Variants in SOX6 observed in about 807,000 individuals in gnomAD.
The protein encoded by SOX6 is transcription factor SOX-6.
Under a neutral mutation model 97.8 loss-of-function variants are expected in SOX6, and 11 were observed. The observed-to-expected ratio is 0.11, with a 90% CI of 0.07 to 0.19. The LOEUF is 0.19. SOX6 is among the 10% of genes least tolerant of loss of function. The pLI is 1.00. For synonymous variants in SOX6, 360 were observed against 371.4 expected, an observed-to-expected ratio of 0.97 and a Z score of 0.35; for missense variants, 810 against 1,039.5, an observed-to-expected ratio of 0.78 and a Z score of 3.04.
At chr11:16,594,336 A>G (rs72632979) in intron 4 of SOX6, among the ~76,000 whole-genome samples, 19,188 of 152,216 alleles carry the variant, frequency 0.13, 1,678 homozygotes, top group Middle Eastern at 0.32. Context: ...CTATACAAAA[A>G]CTACAAATGG....
chr11:16,342,837 C>T (rs1176005385), intron 1 of SOX6, among the ~76,000 whole-genome samples: 1 of 151,608 alleles, frequency 6.6e-6, no homozygotes, highest in South Asian at 2.1e-4. Flanking sequence ...TTTTGAAGTG[C>T]TTTGAAACAT....
intron 3 of SOX6, among the ~76,000 whole-genome samples, chr11:16,262,643 A>G (rs996953): frequency 0.98 from 148,709 of 152,112 alleles, 72,764 homozygotes; most frequent in Middle Eastern, 1. Flanking sequence ...CATTTGCCAG[A>G]TAACATAGTG....
At chr11:16,412,370 T>G (rs1858837953) in intron 1 of SOX6, among the ~76,000 whole-genome samples, 1 of 152,246 alleles carries the variant, frequency 6.6e-6, no homozygotes, top group Non-Finnish European at 1.5e-5. Context: ...TATCCATATA[T>G]GCATCCACCA....
intron 12 of SOX6, among the ~76,000 whole-genome samples, chr11:16,023,845 T>G (rs1221295288): frequency 6.6e-6 from 1 of 152,174 alleles, no homozygotes; most frequent in Non-Finnish European, 1.5e-5. Context: ...GGTAAAGCCA[T>G]GCAAACAAAG....
upstream of SOX6, among the ~76,000 whole-genome samples, chr11:16,476,678 T>C (rs1023455405): frequency 6.6e-6 from 1 of 152,176 alleles, no homozygotes; most frequent in African/African-American, 2.4e-5. Flanking sequence ...AAAAAATTTT[T>C]AAGAGAAAGA....
chr11:16,523,641 A>G (rs529199317), intron 4 of SOX6, among the ~76,000 whole-genome samples: 1 of 152,284 alleles, frequency 6.6e-6, no homozygotes, highest in African/African-American at 2.4e-5. Context: ...TCAGAGCAAA[A>G]CTGAAGGAAA....
intron 1 of SOX6, among the ~76,000 whole-genome samples, chr11:16,397,883 T>G (rs1428648212): frequency 6.6e-6 from 1 of 151,584 alleles, no homozygotes; most frequent in African/African-American, 2.4e-5. Context: ...CCATGTTTAT[T>G]GCTTTCTTAT....
chr11:16,311,623 A>G (rs996865623), intron 3 of SOX6: 4 of 152,158 alleles, frequency 2.6e-5, no homozygotes, highest in African/African-American at 9.7e-5. Context: ...ATCAAGTAAC[A>G]TGCTCTATGT....
intron 4 of SOX6, among the ~76,000 whole-genome samples, chr11:16,508,592 T>C (rs775569479): frequency 6.6e-6 from 1 of 151,484 alleles, no homozygotes; most frequent in African/African-American, 2.4e-5. Flanking sequence ...GAAAGAAAAA[T>C]ACTGCATGTT....
intron 1 of SOX6, among the ~76,000 whole-genome samples, chr11:16,347,583 T>C (rs1467808606): frequency 6.6e-6 from 1 of 152,106 alleles, no homozygotes; most frequent in Non-Finnish European, 1.5e-5. Context: ...CCTCTTCATA[T>C]AAAATGAGAA....
intron 3 of SOX6, among the ~76,000 whole-genome samples, chr11:16,615,771 T>C (rs1848464426): frequency 6.6e-6 from 1 of 152,206 alleles, no homozygotes; most frequent in Non-Finnish European, 1.5e-5. Flanking sequence ...CTTTATTGCT[T>C]AAGGCGGCCA....
At chr11:16,416,620 C>T (rs1039626981) in intron 1 of SOX6, among the ~76,000 whole-genome samples, 16 of 152,300 alleles carry the variant, frequency 1.1e-4, no homozygotes, top group Middle Eastern at 3.4e-3. Context: ...TAAGCATCCA[C>T]GACACTAAAT....
At chr11:16,470,774 C>T (rs1860128331) in intron 1 of SOX6, among the ~76,000 whole-genome samples, 1 of 152,102 alleles carries the variant, frequency 6.6e-6, no homozygotes, top group Non-Finnish European at 1.5e-5. Context: ...TCCTGCTACT[C>T]TGCAAAAATA....
chr11:16,397,303 T>C (rs1422838675), intron 1 of SOX6, among the ~76,000 whole-genome samples: 1 of 151,572 alleles, frequency 6.6e-6, no homozygotes. Context: ...CAATAGCATG[T>C]ATAGGGATCT....
intron 9 of SOX6, among the ~76,000 whole-genome samples, chr11:16,063,457 A>C (rs1848006940): frequency 7.2e-6 from 1 of 138,678 alleles, no homozygotes; most frequent in African/African-American, 2.7e-5. Flanking sequence ...GTCAAATTAT[A>C]ATGGGTGGTG....
chr11:16,187,002 G>T, intron 4 of SOX6, 47 bp from the exon 5 acceptor site: 1 of 1,605,628 alleles, frequency 6.2e-7, no homozygotes, highest in Non-Finnish European at 8.5e-7. Flanking sequence ...GAAATACCTG[G>T]ACGAATAAGG....
At chr11:16,360,303 C>A (rs1857178245), upstream of SOX6, among the ~76,000 whole-genome samples, 1 of 152,116 alleles carries the variant, frequency 6.6e-6, no homozygotes, top group Non-Finnish European at 1.5e-5. Context: ...TATTCTGATT[C>A]TTTCCTTCCC....
chr11:16,023,727 G>C (rs760609967), intron 12 of SOX6, among the ~76,000 whole-genome samples: 1 of 152,038 alleles, frequency 6.6e-6, no homozygotes, highest in Non-Finnish European at 1.5e-5. Context: ...AATTAAAAAG[G>C]CCAATCTCTT....
chr11:16,616,968 T>C (rs1848478977), intron 3 of SOX6, among the ~76,000 whole-genome samples: 3 of 151,922 alleles, frequency 2.0e-5, no homozygotes, highest in Non-Finnish European at 4.4e-5. Context: ...GTGTTTAATA[T>C]AATTGCTATG....
Sources: gnomAD v4.1 joint callset for allele counts (sites outside exome capture counted in the v4.1 genomes callset) on GRCh38, gnomAD v4.1.1 for gene constraint, MANE v1.5 for transcripts, NCBI Gene and HGNC (gene_info 2026-07-23, HGNC 2026-07-21) for gene names.